The following SPRY3 variants were observed in gnomAD, a reference collection of about 807,000 sequenced individuals.
SPRY3 encodes sprouty RTK signaling antagonist 3.
Under a neutral mutation model 20.2 loss-of-function variants are expected in SPRY3, and 15 were observed. The observed-to-expected ratio is 0.74, with a 90% CI of 0.50 to 1.14. The LOEUF is 1.14. Ranked by LOEUF, SPRY3 falls within the 50% of genes most tolerant of loss-of-function variation. The probability of loss-of-function intolerance (pLI) is 0.00; values close to 1 mark genes in which losing one functional copy is unlikely to be tolerated. For missense variants in SPRY3, 364 were observed against 363.9 expected (o/e 1.00, Z 0.00); for synonymous variants, 143 against 136.5 (o/e 1.05, Z -0.33).
intron 2 of SPRY3, among the ~76,000 whole-genome samples, chrX:155,721,147 A>G (rs2091054630): frequency 6.6e-6 from 1 of 152,216 alleles, no homozygotes; most frequent in African/African-American, 2.4e-5. Context: ...TGCAGTAGGC[A>G]TACTGAAGAA....
chrX:155,762,670 A>G (rs1354097501), intron 2 of SPRY3, among the ~76,000 whole-genome samples: 1 of 152,206 alleles, frequency 6.6e-6, no homozygotes, highest in East Asian at 1.9e-4. Context: ...GTCTCACACC[A>G]GTCCGAATGG....
chrX:155,773,326 A>T (rs967852860), intron 3 of SPRY3, among the ~76,000 whole-genome samples: 2 of 145,942 alleles, frequency 1.4e-5, no homozygotes, highest in Non-Finnish European at 3.0e-5. Flanking sequence ...ATATATATAT[A>T]TATATATATA....
chrX:155,646,924 A>C (rs2067959741), intron 1 of SPRY3, among the ~76,000 whole-genome samples: 1 of 111,729 alleles, frequency 9.0e-6, no homozygotes, highest in South Asian at 3.7e-4. Flanking sequence ...ACCATCTGTG[A>C]GCTTGTCATA....
chrX:155,770,248 C>A (rs2091372683), intron 3 of SPRY3, among the ~76,000 whole-genome samples: 1 of 152,120 alleles, frequency 6.6e-6, no homozygotes, highest in Admixed American at 6.6e-5. Flanking sequence ...AACTGTCTTG[C>A]GGTGTTAGCA....
intron 2 of SPRY3, among the ~76,000 whole-genome samples, chrX:155,702,352 A>G (rs1309386098): frequency 3.8e-4 from 4 of 10,620 alleles, no homozygotes; most frequent in African/African-American, 1.9e-3. Flanking sequence ...TTGGATTCCT[A>G]GGTATTTTAT....
At chrX:155,679,825 A>G (rs1427628340) in intron 2 of SPRY3, among the ~76,000 whole-genome samples, 2 of 111,253 alleles carry the variant, frequency 1.8e-5, no homozygotes, top group Non-Finnish European at 3.8e-5. Context: ...AGGTTTTCCT[A>G]TGAATGAGAT....
At chrX:155,777,981 A>G (rs1241111033), downstream of SPRY3, 4 of 166,930 alleles carry the variant, frequency 2.4e-5, no homozygotes, top group Admixed American at 2.0e-4. Context: ...ACTATATGCT[A>G]AGCACTATTT....
chrX:155,730,880 G>A (rs1444392723), intron 2 of SPRY3, among the ~76,000 whole-genome samples: 2 of 151,942 alleles, frequency 1.3e-5, no homozygotes, highest in Non-Finnish European at 2.9e-5. Context: ...TGAACCATCT[G>A]AAAAAGAAAT....
intron 1 of SPRY3, among the ~76,000 whole-genome samples, chrX:155,656,236 A>G (rs782632543): frequency 2.7e-5 from 3 of 111,375 alleles, no homozygotes; most frequent in Admixed American, 1.9e-4. Context: ...AGGGACCCCA[A>G]TCAATCAGAG....
intron 1 of SPRY3, among the ~76,000 whole-genome samples, chrX:155,629,002 G>GT (rs1194326370): frequency 2.7e-5 from 3 of 109,454 alleles, no homozygotes; most frequent in South Asian, 3.9e-4. Context: ...TTTCTTTTTT[G>GT]TTTTTTTGTT....
chrX:155,644,412 G>A (rs1557351668), intron 1 of SPRY3, among the ~76,000 whole-genome samples: 2 of 110,378 alleles, frequency 1.8e-5, no homozygotes. Context: ...CCAGCCCTGT[G>A]TTTTTCCTTT....
chrX:155,628,808 C>A (rs1414146358), intron 1 of SPRY3, among the ~76,000 whole-genome samples: 1 of 111,631 alleles, frequency 9.0e-6, no homozygotes, highest in Admixed American at 9.5e-5. Flanking sequence ...CACTTGTTAT[C>A]TTTTGTCTTT....
intron 3 of SPRY3, among the ~76,000 whole-genome samples, chrX:155,769,838 G>A (rs1188368701): frequency 6.6e-6 from 1 of 152,170 alleles, no homozygotes; most frequent in Non-Finnish European, 1.5e-5. Context: ...TGCGGTAGGA[G>A]GGAGGCCCAG....
intron 1 of SPRY3, among the ~76,000 whole-genome samples, chrX:155,614,721 G>T (rs953159767): frequency 2.7e-5 from 3 of 110,993 alleles, no homozygotes; most frequent in Non-Finnish European, 3.8e-5. Context: ...AATTTTACTT[G>T]TAATAAAATA....
intron 2 of SPRY3, among the ~76,000 whole-genome samples, chrX:155,750,400 C>A (rs1036840821): frequency 6.6e-6 from 1 of 151,690 alleles, no homozygotes; most frequent in Non-Finnish European, 1.5e-5. Flanking sequence ...ATGTAACAAA[C>A]CTGCACATAT....
intron 2 of SPRY3, among the ~76,000 whole-genome samples, chrX:155,741,398 C>T (rs763537452): frequency 1.3e-5 from 2 of 152,086 alleles, no homozygotes; most frequent in South Asian, 2.1e-4. Context: ...GAAAGAGATG[C>T]GGAGAACAGA....
At chrX:155,672,964 G>A (rs1456371386) in intron 2 of SPRY3, among the ~76,000 whole-genome samples, 1 of 102,006 alleles carries the variant, frequency 9.8e-6, no homozygotes, top group Non-Finnish European at 2.0e-5. Flanking sequence ...CTATCGCAAG[G>A]ACAAAAAACC....
intron 2 of SPRY3, among the ~76,000 whole-genome samples, chrX:155,704,143 A>G (rs1317240972): frequency 7.9e-5 from 12 of 151,852 alleles, no homozygotes; most frequent in Non-Finnish European, 1.5e-4. Context: ...AAAAGAATCA[A>G]CACATTCCCA....
exon 4 of SPRY3, chrX:155,774,097 C>G: frequency 6.2e-7 from 1 of 1,613,984 alleles, no homozygotes; most frequent in South Asian, 1.1e-5. Context: ...GCAGCCCTTG[C>G]CTCAGCATCT....
Sources: allele counts gnomAD v4.1 joint callset (sites outside exome capture counted in the v4.1 genomes callset), GRCh38; gene constraint gnomAD v4.1.1; transcripts MANE v1.5; gene names NCBI Gene and HGNC (gene_info 2026-07-23, HGNC 2026-07-21).